Variants in GSTP1 observed in about 807,000 individuals in gnomAD.
The protein encoded by GSTP1 is glutathione S-transferase P.
A neutral mutation model predicts 29.4 loss-of-function variants in GSTP1; 28 were observed. The ratio of observed to expected loss-of-function variants is 0.95; its 90% CI spans 0.71 to 1.30. The LOEUF (loss-of-function observed/expected upper bound fraction) is 1.30, where lower values mean the gene tolerates loss of function less well. Ranked by LOEUF, GSTP1 falls within the 50% of genes most tolerant of loss-of-function variation. GSTP1 has a pLI of 0.00. For synonymous variants in GSTP1, 122 were observed against 117.0 expected (o/e 1.04, Z -0.28); for missense variants, 267 against 266.1 (o/e 1.00, Z -0.02).
chr11:67,586,233 G>A, intron 6 of GSTP1, 22 bp downstream of exon 6: 2 of 1,576,638 alleles, frequency 1.3e-6, no homozygotes. Context: ...GCCCCATGCT[G>A]TTCCTTCCTC....
At position 67,586,100 on chromosome 11, in the gene GSTP1, G is replaced by A. The variant is rs2134395172; in HGVS notation, c.337-4G>A. On this transcript the variant is annotated splice_region_variant and splice_polypyrimidine_tract_variant and intron_variant, in intron 5 of 6. Coordinates refer to ENST00000398606, the MANE Select transcript of GSTP1 (RefSeq NM_000852.4). ...GTAGGATGATACATGGTGGTGTCTG[G>A]CAGGAGGCGGGCAAGGATGACTATG... is the stretch of plus-strand genomic sequence containing the variant. 1 of 1,608,954 alleles carries A rather than the reference G, an allele frequency of 6.2e-7. No homozygotes were observed. The highest frequency in any genetic ancestry group is 2.2e-5 in the East Asian group (1 of 44,844).
chr11:67,586,261 G>A, intron 6 of GSTP1, 50 bp downstream of exon 6: 1 of 1,535,060 alleles, frequency 6.5e-7, no homozygotes, highest in Non-Finnish European at 9.0e-7. Flanking sequence ...TCTGCTTCCA[G>A]ATGGACACAG....
rs200701643 is a variant in GSTP1, at chr11:67,584,721, C to T, written c.181C>T (p.Leu61Phe). 5.5e-4 allele frequency: 883 copies of T among 1,613,622 alleles called. 2 individuals are homozygous for T. Among genetic ancestry groups the T allele is most frequent in the Non-Finnish European group, 6.8e-4 (807 of 1,179,910 alleles). Residue 61 changes from leucine (L) to phenylalanine (F), a missense_variant, in exon 4 of 7, where the codon CTC (leucine) becomes TTC (phenylalanine). By Grantham distance (22) the Leu-to-Phe change is conservative. Coordinates refer to ENST00000398606, the MANE Select transcript of GSTP1 (RefSeq NM_000852.4). ...GCTCCCCAAGTTCCAGGACGGAGAC[C>T]TCACCCTGTACCAGTCCAATACCAT... ...GQLPKFQDGD[L>F]TLYQSNTILR...
chr11:67,586,563 A>C lies in GSTP1; in HGVS notation c.619A>C (p.Asn207His), dbSNP rs1316398882. Residue 207 changes from asparagine (N) to histidine (H), a missense_variant, in exon 7 of 7, where the codon AAC becomes CAC. Coordinates refer to ENST00000398606, the MANE Select transcript of GSTP1 (RefSeq NM_000852.4). ...PEYVNLPING[N>H]GKQ ...GTACGTGAACCTCCCCATCAATGGC[A>C]ACGGGAAACAGTGAGGGTTGGGGGG... is the stretch of plus-strand genomic sequence containing the variant. The C allele has an allele frequency of 9.9e-6, 16 of 1,612,762 alleles. No homozygotes were observed. The highest frequency in any genetic ancestry group is 1.4e-5 in the Non-Finnish European group (16 of 1,179,314).
intron 1 of GSTP1, 24 bp from the exon 2 acceptor site, chr11:67,584,110 C>A (rs751851269): frequency 3.7e-6 from 6 of 1,605,150 alleles, no homozygotes. Context: ...CGGGCTCCAG[C>A]AAACTTTTCT....
At position 67,586,569 on chromosome 11, in the gene GSTP1, A is replaced by G; in HGVS notation, c.625A>G (p.Lys209Glu). The change falls in exon 7 of 7, where the codon AAA (lysine) becomes GAA (glutamate). Residue 209 changes from lysine to glutamate, a missense_variant. Coordinates refer to ENST00000398606, the MANE Select transcript of GSTP1 (RefSeq NM_000852.4). ...YVNLPINGNG[K>E]Q ...GAACCTCCCCATCAATGGCAACGGG[A>G]AACAGTGAGGGTTGGGGGGACTCTG... is the stretch of plus-strand genomic sequence containing the variant. The G allele has an allele frequency of 6.2e-7, 1 of 1,612,484 alleles. No individual in the cohort carries two copies. Among genetic ancestry groups the G allele is most frequent in the South Asian group, 1.1e-5 (1 of 90,932 alleles).
rs1259510547 is a variant in GSTP1, at chr11:67,584,143, A to G, written c.11A>G (p.Tyr4Cys). 1 of 1,613,032 alleles carries G rather than the reference A, an allele frequency of 6.2e-7. No individual in the cohort carries two copies. The highest frequency in any genetic ancestry group is 1.7e-5 in the Admixed American group (1 of 60,008). The change falls in exon 2 of 7, where the codon TAC (tyrosine) becomes TGC (cysteine). Residue 4 changes from tyrosine (Y) to cysteine (C), a missense_variant. Tyr to Cys is a radical substitution (Grantham distance 194). Coordinates refer to ENST00000398606, the MANE Select transcript of GSTP1 (RefSeq NM_000852.4). MPPYTVVYFPVRGR... is the reference protein window; with the variant it reads MPPCTVVYFPVRGR... ...TCTTTGTTCGCTGCAGTGCCGCCCT[A>G]CACCGTGGTCTATTTCCCAGTTCGA...
chr11:67,585,238 CTA>C lies in GSTP1; in HGVS notation c.335_336del (p.Tyr112Ter). The C allele has an allele frequency of 6.3e-7, 1 of 1,591,170 alleles. No homozygotes were observed. The highest frequency in any genetic ancestry group is 8.6e-7 in the Non-Finnish European group (1 of 1,159,244). Reference protein sequence around the residue: ...CKYISLIYTNYEAGKDDYVKA... With the variant: ...CKYISLIYTNXEAGKDDYVKA... ...AATACATCTCCCTCATCTACACCAA[CTA>C]TGTGAGCATCTGCACCAGGGTTGGG... On this transcript the variant is annotated frameshift_variant and splice_region_variant, in exon 5 of 7. Transcript: ENST00000398606. LOFTEE classifies it high-confidence loss of function.
chr11:67,584,109 G>A (rs764362065), intron 1 of GSTP1, 25 bp from the exon 2 acceptor site: 2 of 1,604,466 alleles, frequency 1.2e-6, no homozygotes, highest in Admixed American at 1.7e-5. Flanking sequence ...CCGGGCTCCA[G>A]CAAACTTTTC....
intron 2 of GSTP1, 36 bp from the exon 3 acceptor site, chr11:67,584,428 C>CCGGTCCCCACATCT (rs1356408847): frequency 7.4e-6 from 9 of 1,224,428 alleles, no homozygotes; most frequent in Non-Finnish European, 1.0e-5. Flanking sequence ...CGGAGTCGGC[C>CCGGTCCCCACATCT]CGGTCCCCAC....
chr11:67,586,489 G>A lies in GSTP1; in HGVS notation c.545G>A (p.Gly182Glu). The A allele has an allele frequency of 6.2e-7, 1 of 1,614,178 alleles. No homozygotes were observed. The highest frequency in any genetic ancestry group is 8.5e-7 in the Non-Finnish European group (1 of 1,180,002). Residue 182 changes from glycine to glutamate, a missense_variant, in exon 7 of 7, where the codon GGG (glycine) becomes GAG (glutamate). Transcript: ENST00000398606. ...TTCCCCCTGCTCTCAGCATATGTGGGGCGCCTCAGTGCCCGGCCCAAGCTC... is the reference window on the plus strand; with the variant it reads ...TTCCCCCTGCTCTCAGCATATGTGGAGCGCCTCAGTGCCCGGCCCAAGCTC... ...DAFPLLSAYV[G>E]RLSARPKLKA...
rs752731774 is a variant in GSTP1 at position 67,584,752 on chromosome 11, G to A, written c.212G>A (p.Arg71His). ...LTLYQSNTIL[R>H]HLGRTLGLYG... Reference sequence around the variant, plus strand: ...CTGTACCAGTCCAATACCATCCTGCGTCACCTGGGCCGCACCCTTGGTGAG... The same window carrying A: ...CTGTACCAGTCCAATACCATCCTGCATCACCTGGGCCGCACCCTTGGTGAG... The change falls in exon 4 of 7, where the codon CGT becomes CAT. Residue 71 changes from arginine to histidine, a missense_variant. By Grantham distance (29) the Arg-to-His change is conservative. Transcript: ENST00000398606. The A allele has an allele frequency of 2.0e-5, 33 of 1,612,954 alleles. No homozygotes were observed. The highest frequency in any genetic ancestry group is 1.8e-4 in the South Asian group (16 of 91,080).
Position 67,585,015 on chromosome 11 carries a change from A to T in GSTP1, c.233-123A>T, listed in dbSNP as rs1006607124. 7.6e-5 allele frequency: 51 copies of T among 670,252 alleles called. No individual in the cohort carries two copies. In the African/African-American group the frequency reaches 8.6e-4, roughly 11 times the overall value. 41.5% of individuals were successfully genotyped at this position (670,252 alleles called of 1,614,324 possible). On this transcript the variant is annotated intron_variant, in intron 4 of 6. Transcript: ENST00000398606. ...GTGGCAGTCTCTCATCCTTCCACGC[A>T]CATCCTCTTCCCCTCCTCCCAGGCT...
At position 67,585,194 on chromosome 11, in the gene GSTP1, G is replaced by C. The variant is rs374158536; in HGVS notation, c.289G>C (p.Val97Leu). Residue 97 changes from valine to leucine, a missense_variant, in exon 5 of 7, where the codon GTG becomes CTG. By Grantham distance (32) the Val-to-Leu change is conservative (BLOSUM62 1). Coordinates refer to ENST00000398606, the MANE Select transcript of GSTP1 (RefSeq NM_000852.4). ...AALVDMVNDGVEDLRCKYISL... is the reference protein window; with the variant it reads ...AALVDMVNDGLEDLRCKYISL... ...CCTGGTGGACATGGTGAATGACGGC[G>C]TGGAGGACCTCCGCTGCAAATACAT... 6.2e-7 allele frequency: 1 copy of C among 1,613,670 alleles called. No homozygotes were observed. Among genetic ancestry groups the C allele is most frequent in the Non-Finnish European group, 8.5e-7 (1 of 1,179,604 alleles).
chr11:67,584,788 C>T lies in GSTP1; in HGVS notation c.232+16C>T. ...CGCACCCTTGGTGAGTCTTGAACCT[C>T]CAAGTCCAGGGCAGGCATGGGCAAG... On this transcript the variant is annotated intron_variant, in intron 4 of 6. Coordinates refer to ENST00000398606, the MANE Select transcript of GSTP1 (RefSeq NM_000852.4). 1 of 1,571,590 alleles carries T rather than the reference C, an allele frequency of 6.4e-7. No individual in the cohort carries two copies. Among genetic ancestry groups the T allele is most frequent in the Non-Finnish European group, 8.8e-7 (1 of 1,141,520 alleles).
chr11:67,586,276 G>A, intron 6 of GSTP1, 65 bp downstream of exon 6: 1 of 1,527,928 alleles, frequency 6.5e-7, no homozygotes, highest in South Asian at 1.1e-5. Context: ...ACACAGGTGT[G>A]AGCCATTTGT....
At chr11:67,585,020 C>T (rs1380860496) in intron 4 of GSTP1, 118 bp from the exon 5 acceptor site, 2 of 681,448 alleles carry the variant, frequency 2.9e-6, no homozygotes, top group African/African-American at 3.6e-5. Flanking sequence ...CACGCACATC[C>T]TCTTCCCCTC....
chr11:67,584,413 C>CGAGGCG (rs1266494313), intron 2 of GSTP1, 51 bp from the exon 3 acceptor site: 1 of 1,036,038 alleles, frequency 9.7e-7, no homozygotes, highest in South Asian at 1.6e-5. Flanking sequence ...CGGGTTGCTG[C>CGAGGCG]GAGGCGGAGT....
chr11:67,584,477 C>T lies in GSTP1; in HGVS notation c.51C>T (p.Ala17=). 6.5e-7 allele frequency: 1 copy of T among 1,542,892 alleles called. No homozygotes were observed. The highest frequency in any genetic ancestry group is 8.7e-7 in the Non-Finnish European group (1 of 1,143,328). ...VYFPVRGRCA[A]LRMLLADQGQ... is the part of the protein sequence containing the mutation. ...CCCTCCCCGCAGGCCGCTGCGCGGC[C>T]CTGCGCATGCTGCTGGCAGATCAGG... The change falls in exon 3 of 7, where the codon GCC becomes GCT. Residue 17 remains alanine (A), a synonymous_variant. Coordinates refer to ENST00000398606, the MANE Select transcript of GSTP1 (RefSeq NM_000852.4).
Sources: allele counts gnomAD v4.1 joint callset, GRCh38; gene constraint gnomAD v4.1.1; transcripts MANE v1.5; gene names NCBI Gene and HGNC (gene_info 2026-07-23, HGNC 2026-07-21).